The following SCARF2 variants were observed in gnomAD, a reference collection of about 807,000 sequenced individuals.
SCARF2 encodes scavenger receptor expressed by endothelial cells 2 protein.
SCARF2 carries 39 observed loss-of-function variants against 73.4 expected under a neutral mutation model. The observed-to-expected ratio is 0.53, with a 90% confidence interval of 0.41 to 0.69. SCARF2 has a LOEUF of 0.69. Ranked by LOEUF, SCARF2 falls within the 30% of genes least tolerant of loss-of-function variation. SCARF2 has a pLI of 0.00. For missense variants in SCARF2, 1,148 were observed against 1,303.5 expected, an observed-to-expected ratio of 0.88 and a Z score of 1.84; for synonymous variants, 605 against 590.0, an observed-to-expected ratio of 1.03 and a Z score of -0.37.
At position 20,431,919 on chromosome 22, in the gene SCARF2, G is replaced by A. The variant is rs535354703; in HGVS notation, c.232+11C>T. ...CTCCCCCGCCCCAGGTCCCCGGGAT[G>A]ACCCACTCACCAATCCCACACTCGT... On this transcript the variant is annotated intron_variant, in intron 2 of 10. Coordinates refer to ENST00000622235, the MANE Select transcript of SCARF2 (RefSeq NM_182895.5). 6 of 1,605,558 alleles carry A rather than the reference G, an allele frequency of 3.7e-6. No homozygotes were observed. The highest frequency in any genetic ancestry group is 1.7e-5 in the Admixed American group (1 of 59,180).
chr22:20,429,400 A>T lies in SCARF2; in HGVS notation c.1425-60T>A, dbSNP rs529489817. On this transcript the variant is annotated intron_variant, in intron 8 of 10. Transcript: ENST00000622235. This position sits in a 1 kb window ranked among gnomAD's most constrained non-coding sequence, Gnocchi z 5.2. Reference sequence around the variant, plus strand: ...CGGGGCGGGGCCCAGGGGCGATTAGATCTCGGCCGGAGCCAAGCACAGAAG... The same window carrying T: ...CGGGGCGGGGCCCAGGGGCGATTAGTTCTCGGCCGGAGCCAAGCACAGAAG... The T allele has an allele frequency of 2.6e-6, 4 of 1,556,504 alleles. No homozygotes were observed. The highest frequency in any genetic ancestry group is 1.4e-5 in the African/African-American group (1 of 73,312).
At chr22:20,427,154 G>A (rs1372711665) in intron 10 of SCARF2, among the ~76,000 whole-genome samples, 1 of 152,120 alleles carries the variant, frequency 6.6e-6, no homozygotes, top group Non-Finnish European at 1.5e-5. Context: ...ACTTCTCTCT[G>A]CCTACTTTCC....
At chr22:20,435,696 C>T (rs1226871596) in intron 1 of SCARF2, among the ~76,000 whole-genome samples, 1 of 152,220 alleles carries the variant, frequency 6.6e-6, no homozygotes, top group African/African-American at 2.4e-5. Flanking sequence ...TCACCACCTT[C>T]TCAGCCGTTC....
intron 9 of SCARF2, among the ~76,000 whole-genome samples, chr22:20,428,351 G>A (rs1388003613): frequency 6.6e-6 from 1 of 151,528 alleles, no homozygotes; most frequent in African/African-American, 2.4e-5. Flanking sequence ...GCAATGGTGC[G>A]ATCTCGGCTC....
rs1278439703 is a variant in SCARF2 at position 20,431,731 on chromosome 22, G to T, written c.334+14C>A. 6 of 1,342,780 alleles carry T rather than the reference G, an allele frequency of 4.5e-6. No individual in the cohort carries two copies. The highest frequency in any genetic ancestry group is 1.2e-5 in the South Asian group (1 of 81,736). The allele number at this position is 1,342,780 out of a possible 1,614,324, so 83.2% of individuals were successfully genotyped here. ...CCGCCCCACCGACCAATACCGGCCCGACCCCACGCTCACTGGTGTCGCAGT... is the reference window on the plus strand; with the variant it reads ...CCGCCCCACCGACCAATACCGGCCCTACCCCACGCTCACTGGTGTCGCAGT... On this transcript the variant is annotated intron_variant, in intron 3 of 10. Transcript: ENST00000622235.
intron 1 of SCARF2, 110 bp from the exon 2 acceptor site, chr22:20,432,098 C>T (rs1601302611): frequency 8.8e-7 from 1 of 1,137,396 alleles, no homozygotes; most frequent in South Asian, 1.3e-5. Context: ...AGTTGCGCTC[C>T]TGTCCTAGGG....
Position 20,426,224 on chromosome 22 carries a change from C to T in SCARF2, c.1752G>A (p.Ala584=). ...EVPTVPAEAP[A]PSPVPLTTPA... ...GCGTGGTCAAGGGCACAGGGGACGGCGCCGGCGCCTCGGCAGGGACAGTGG... is the reference window on the plus strand; with the variant it reads ...GCGTGGTCAAGGGCACAGGGGACGGTGCCGGCGCCTCGGCAGGGACAGTGG... The change falls in exon 11 of 11, where the codon GCG becomes GCA. Residue 584 remains alanine (A), a synonymous_variant. Coordinates refer to ENST00000622235, the MANE Select transcript of SCARF2 (RefSeq NM_182895.5). The T allele has an allele frequency of 6.5e-7, 1 of 1,533,618 alleles. No homozygotes were observed.
chr22:20,427,439 T>A lies in SCARF2; in HGVS notation c.1652A>T (p.Asp551Val), dbSNP rs150064988. ...WSSRASFSSF[D>V]TTDEGPVYCV... ...GTACACAGGGCCTTCATCAGTGGTG[T>A]CAAACGAGGAGAAGGAGGCCCGAGA... The change falls in exon 10 of 11, where the codon GAC becomes GTC. Residue 551 changes from aspartate to valine, a missense_variant. Coordinates refer to ENST00000622235, the MANE Select transcript of SCARF2 (RefSeq NM_182895.5). 12 of 1,613,952 alleles carry A rather than the reference T, an allele frequency of 7.4e-6. No individual in the cohort carries two copies. The highest frequency in any genetic ancestry group is 4.0e-5 in the African/African-American group (3 of 74,878).
At position 20,425,332 on chromosome 22, in the gene SCARF2, G is replaced by T. The variant is rs1663504591; in HGVS notation, c.*43C>A. On this transcript the variant is annotated 3_prime_UTR_variant, in exon 11 of 11. Transcript: ENST00000622235. The surrounding 1 kb of genome is among the most constrained non-coding windows in gnomAD (Gnocchi z 4.6). ...TGGGAGGTGTGGGGTGGCGGGCGGCGCTGCGAAGCTGAGGGAGCTGCGCGC... is the reference window on the plus strand; with the variant it reads ...TGGGAGGTGTGGGGTGGCGGGCGGCTCTGCGAAGCTGAGGGAGCTGCGCGC... 7.5e-7 allele frequency: 1 copy of T among 1,330,914 alleles called. No homozygotes were observed. Among genetic ancestry groups the T allele is most frequent in the Non-Finnish European group, 9.7e-7 (1 of 1,032,954 alleles). 82.4% of individuals were successfully genotyped at this position (1,330,914 alleles called of 1,614,324 possible).
chr22:20,431,581 G>A (rs916985333), intron 3 of SCARF2, 44 bp from the exon 4 acceptor site: 2 of 1,548,146 alleles, frequency 1.3e-6, no homozygotes, highest in African/African-American at 2.7e-5. Flanking sequence ...CGGTGCTTGA[G>A]TAGGTGCCCC....
chr22:20,434,313 GGAGA>G (rs372948448), intron 1 of SCARF2, among the ~76,000 whole-genome samples: 2 of 152,052 alleles, frequency 1.3e-5, no homozygotes, highest in African/African-American at 4.8e-5. Context: ...GATAGAGATA[GGAGA>G]GAGAGAGAGA....
chr22:20,425,619 A>G lies in SCARF2; in HGVS notation c.2357T>C (p.Val786Ala). ...GKTRSLGRAE[V>A]ALGAQGPREK... ...CCTGGGGCCCTGCGCGCCCAGGGCC[A>G]CCTCGGCGCGGCCCAGGCTGCGAGT... is the stretch of plus-strand genomic sequence containing the variant. Residue 786 changes from valine (V) to alanine (A), a missense_variant, in exon 11 of 11, where the codon GTG becomes GCG. Val to Ala is a moderately conservative substitution (Grantham distance 64). This residue lies in a region of SCARF2 where 169 missense variants were observed against 136.9 expected (regional missense o/e 1.23). Transcript: ENST00000622235. This position sits in a 1 kb window ranked among gnomAD's most constrained non-coding sequence, Gnocchi z 4.6. The G allele has an allele frequency of 7.6e-7, 1 of 1,316,952 alleles. No individual in the cohort carries two copies. The highest frequency in any genetic ancestry group is 9.7e-7 in the Non-Finnish European group (1 of 1,035,404). The allele number at this position is 1,316,952 out of a possible 1,614,324, so 81.6% of individuals were successfully genotyped here.
rs964284571 is a variant in SCARF2, at chr22:20,429,442, G to A, written c.1424+94C>T. The A allele has an allele frequency of 1.9e-6, 3 of 1,568,184 alleles. No homozygotes were observed. Among genetic ancestry groups the A allele is most frequent in the South Asian group, 1.1e-5 (1 of 87,474 alleles). ...GCACAGAAGGGGCGGGGCCACGTCC[G>A]GGGCAGGGGCGCGGAAGGGTTGGAT... On this transcript the variant is annotated intron_variant, in intron 8 of 10. Coordinates refer to ENST00000622235, the MANE Select transcript of SCARF2 (RefSeq NM_182895.5). This position sits in a 1 kb window ranked among gnomAD's most constrained non-coding sequence, Gnocchi z 5.2.
Position 20,429,808 on chromosome 22 carries a change from G to T in SCARF2, c.1228C>A (p.Leu410Ile), listed in dbSNP as rs952087770. The change falls in exon 7 of 11, where the codon CTC becomes ATC. Residue 410 changes from leucine (L) to isoleucine (I), a missense_variant. Coordinates refer to ENST00000622235, the MANE Select transcript of SCARF2 (RefSeq NM_182895.5). This position sits in a 1 kb window ranked among gnomAD's most constrained non-coding sequence, Gnocchi z 5.2. The stretch of plus-strand genomic sequence containing the variant: ...GCCTGAGCACAGTCCGCGCCGTGGA[G>T]TCCGGGCGGGCACGTCACGTTACAG... ...PHCNVTCPPGLHGADCAQACS... is the reference protein window; with the variant it reads ...PHCNVTCPPGIHGADCAQACS... The T allele has an allele frequency of 6.2e-7, 1 of 1,612,986 alleles. No individual in the cohort carries two copies. The highest frequency in any genetic ancestry group is 1.7e-5 in the Admixed American group (1 of 59,976).
chr22:20,430,224 T>G (rs2052626830), intron 6 of SCARF2, among the ~76,000 whole-genome samples: 1 of 152,192 alleles, frequency 6.6e-6, no homozygotes, highest in Non-Finnish European at 1.5e-5. Flanking sequence ...GCTGGACTGG[T>G]CACCAGATCC....
Position 20,424,622 on chromosome 22 carries a change from G to A in SCARF2, c.*753C>T, listed in dbSNP as rs780820139. Among the ~76,000 whole-genome samples the A allele has an allele frequency of 8.5e-5, 13 of 152,238 alleles. No homozygotes were observed. The highest frequency in any genetic ancestry group is 1.9e-4 in the Non-Finnish European group (13 of 68,036). On this transcript the variant is annotated 3_prime_UTR_variant, in exon 11 of 11. Coordinates refer to ENST00000622235, the MANE Select transcript of SCARF2 (RefSeq NM_182895.5). ...ATTTTATTAAGAAAGCTTTGGCCAA[G>A]CCCCCGCCGGGAGGAGCCCATCCTG...
chr22:20,425,576 TG>T lies in SCARF2; in HGVS notation c.2399del (p.Pro800HisfsTer139). ...AQGPREKPAP[P>X]QKAKRSVPPA... The stretch of plus-strand genomic sequence containing the variant: ...GCGGCACGGAGCGCTTGGCTTTCTG[TG>T]GGGGCGCCGGCTTTTCCCTGGGGCC... On this transcript the variant is annotated frameshift_variant, in exon 11 of 11. Coordinates refer to ENST00000622235, the MANE Select transcript of SCARF2 (RefSeq NM_182895.5). LOFTEE classifies it high-confidence loss of function. The surrounding 1 kb of genome is among the most constrained non-coding windows in gnomAD (Gnocchi z 4.6). The T allele has an allele frequency of 2.2e-6, 3 of 1,341,368 alleles. No homozygotes were observed. Among genetic ancestry groups the T allele is most frequent in the Non-Finnish European group, 2.9e-6 (3 of 1,050,732 alleles). The allele number at this position is 1,341,368 out of a possible 1,614,324, so 83.1% of individuals were successfully genotyped here. A position where few individuals can be genotyped will look rare whatever the true frequency, so the allele number is the denominator to read the frequency against.
intron 10 of SCARF2, among the ~76,000 whole-genome samples, chr22:20,426,639 G>A (rs2052581541): frequency 6.6e-6 from 1 of 152,230 alleles, no homozygotes; most frequent in South Asian, 2.1e-4. Context: ...CCTTCTTTAA[G>A]AGAGAAGGCT....
intron 3 of SCARF2, 31 bp downstream of exon 3, chr22:20,431,713 AC>A: frequency 9.5e-7 from 1 of 1,054,652 alleles, no homozygotes. Context: ...ATTCCGCCCC[AC>A]CGACCAATAC....
Sources: gnomAD v4.1 joint callset for allele counts (sites outside exome capture counted in the v4.1 genomes callset) on GRCh38, gnomAD v4.1.1 for gene constraint, gnomAD v4.1.1 regional missense constraint, Gnocchi (gnomAD v3.1) non-coding constraint, MANE v1.5 for transcripts, NCBI Gene and HGNC (gene_info 2026-07-23, HGNC 2026-07-21) for gene names.